GULP1: variants seen among roughly 807,000 people sequenced by gnomAD.
GULP1 encodes the protein GULP PTB domain containing engulfment adaptor 1, also known as PTB domain-containing engulfment adapter protein 1.
Under a neutral mutation model 40.9 loss-of-function variants are expected in GULP1, and 19 were observed. The observed-to-expected ratio is 0.46, with a 90% CI of 0.32 to 0.68. The LOEUF (loss-of-function observed/expected upper bound fraction) is 0.68, where lower values mean the gene tolerates loss of function less well. GULP1 is among the 30% of genes least tolerant of loss of function. The pLI, the probability that GULP1 is intolerant of heterozygous loss-of-function variation, is 0.03. For missense variants in GULP1, 312 were observed against 362.2 expected (o/e 0.86, Z 1.12); for synonymous variants, 119 against 117.6 (o/e 1.01, Z -0.08).
intron 2 of GULP1, among the ~76,000 whole-genome samples, chr2:188,472,154 T>C (rs1267828834): frequency 2.6e-5 from 4 of 152,146 alleles, no homozygotes; most frequent in African/African-American, 9.7e-5. Context: ...TGGAACTCCA[T>C]TGTGTGTTAT....
intron 2 of GULP1, among the ~76,000 whole-genome samples, chr2:188,426,196 A>T (rs1487037443): frequency 6.6e-6 from 1 of 152,208 alleles, no homozygotes. Context: ...GGATTCAAAG[A>T]TTTTCTGACA....
intron 1 of GULP1, among the ~76,000 whole-genome samples, chr2:188,320,851 T>A (rs1481485732): frequency 6.6e-6 from 1 of 151,772 alleles, no homozygotes; most frequent in South Asian, 2.1e-4. Flanking sequence ...CTATGTACTA[T>A]CTAGGATATG....
intron 7 of GULP1, among the ~76,000 whole-genome samples, chr2:188,554,697 G>GT (rs1423654163): frequency 1.3e-5 from 2 of 151,850 alleles, no homozygotes; most frequent in Non-Finnish European, 2.9e-5. Flanking sequence ...GGAGGTTTTT[G>GT]TTATCTGTCT....
intron 1 of GULP1, among the ~76,000 whole-genome samples, chr2:188,361,055 T>C (rs557326567): frequency 4.6e-5 from 7 of 152,128 alleles, no homozygotes; most frequent in Non-Finnish European, 5.9e-5. Flanking sequence ...TTGCGTAATA[T>C]TGCGCAGATG....
chr2:188,470,726 ATTC>A (rs1321741991), intron 2 of GULP1, among the ~76,000 whole-genome samples: 1 of 152,142 alleles, frequency 6.6e-6, no homozygotes, highest in Non-Finnish European at 1.5e-5. Flanking sequence ...AGTTTTCAGA[ATTC>A]TTCTTGTTAT....
chr2:188,460,494 G>A (rs2059614664), intron 2 of GULP1, among the ~76,000 whole-genome samples: 1 of 149,334 alleles, frequency 6.7e-6, no homozygotes, highest in Admixed American at 6.7e-5. Flanking sequence ...TGATTTTTAT[G>A]TTCTACAATT....
chr2:188,358,117 G>A (rs1283098747), intron 1 of GULP1, among the ~76,000 whole-genome samples: 1 of 152,162 alleles, frequency 6.6e-6, no homozygotes, highest in Non-Finnish European at 1.5e-5. Context: ...GGAGGCAGAA[G>A]TTTCAGTGAG....
intron 1 of GULP1, among the ~76,000 whole-genome samples, chr2:188,305,997 C>T (rs536955082): frequency 6.6e-6 from 1 of 152,098 alleles, no homozygotes; most frequent in African/African-American, 2.4e-5. Flanking sequence ...AGGCTGGTCT[C>T]GAATTCCTGA....
At chr2:188,296,093 C>T (rs1299671028) in intron 1 of GULP1, among the ~76,000 whole-genome samples, 2 of 152,006 alleles carry the variant, frequency 1.3e-5, no homozygotes, top group East Asian at 1.9e-4. Flanking sequence ...CTGCCATGAG[C>T]CCTGGTCCCT....
chr2:188,381,995 A>G (rs979315112), intron 1 of GULP1, among the ~76,000 whole-genome samples: 1 of 152,220 alleles, frequency 6.6e-6, no homozygotes, highest in African/African-American at 2.4e-5. Flanking sequence ...ATTTTTCACT[A>G]AAATTATAAA....
At chr2:188,454,402 A>G (rs2059087130) in intron 2 of GULP1, among the ~76,000 whole-genome samples, 1 of 152,204 alleles carries the variant, frequency 6.6e-6, no homozygotes, top group Non-Finnish European at 1.5e-5. Context: ...AAAGGTGGGC[A>G]TGACACAGTA....
chr2:188,356,114 C>G (rs997403083), intron 1 of GULP1, among the ~76,000 whole-genome samples: 13 of 152,078 alleles, frequency 8.5e-5, no homozygotes, highest in African/African-American at 2.9e-4. Context: ...TTATTTTACC[C>G]TAAGTACTGG....
chr2:188,406,620 A>T (rs2053146849), intron 2 of GULP1, among the ~76,000 whole-genome samples: 1 of 152,128 alleles, frequency 6.6e-6, no homozygotes, highest in South Asian at 2.1e-4. Flanking sequence ...TTCAAACAGA[A>T]AAAAAATCTG....
chr2:188,449,394 A>G (rs114640925), intron 2 of GULP1, among the ~76,000 whole-genome samples: 2,491 of 152,094 alleles, frequency 0.016, 29 homozygotes, highest in Non-Finnish European at 0.026. Flanking sequence ...TCCTCCCCCA[A>G]TTGAGTCTCT....
At position 188,584,267 on chromosome 2, in the gene GULP1, A is replaced by G; in HGVS notation, c.612A>G (p.Ala204=). The change falls in exon 10 of 12, where the codon GCA becomes GCG. Residue 204 remains alanine (A), a splice_region_variant and synonymous_variant. Coordinates refer to ENST00000409830, the MANE Select transcript of GULP1 (RefSeq NM_016315.4). The part of the protein sequence containing the change: ...LRITQVSAPP[A]GSMTPKSPST... ...TAATTCATTTATTTTCATTGCAGGCAGGCAGTATGACACCTAAGTCGCCCT... is the reference window on the plus strand; with the variant it reads ...TAATTCATTTATTTTCATTGCAGGCGGGCAGTATGACACCTAAGTCGCCCT... The G allele has an allele frequency of 6.2e-7, 1 of 1,600,776 alleles. No individual in the cohort carries two copies. Among genetic ancestry groups the G allele is most frequent in the Non-Finnish European group, 8.6e-7 (1 of 1,168,826 alleles).
intron 4 of GULP1, among the ~76,000 whole-genome samples, chr2:188,515,114 ATG>A (rs2065042040): frequency 6.6e-6 from 1 of 152,192 alleles, no homozygotes; most frequent in Non-Finnish European, 1.5e-5. Flanking sequence ...TTAGTTTGAA[ATG>A]AAACTGCCAA....
At chr2:188,527,073 A>G (rs1352557408) in intron 5 of GULP1, among the ~76,000 whole-genome samples, 1 of 150,530 alleles carries the variant, frequency 6.6e-6, no homozygotes, top group Non-Finnish European at 1.5e-5. Flanking sequence ...CTTCCTCCCC[A>G]CTCCCTTCTT....
At chr2:188,582,555 C>T (rs1701541089) in intron 9 of GULP1, 2 of 470,274 alleles carry the variant, frequency 4.3e-6, no homozygotes, top group Non-Finnish European at 8.8e-6. Flanking sequence ...AGCAGCATCC[C>T]AAGACCTCAT....
intron 2 of GULP1, 105 bp from the exon 3 acceptor site, chr2:188,477,554 T>C (rs1389113437): frequency 3.4e-6 from 2 of 593,174 alleles, no homozygotes; most frequent in Non-Finnish European, 5.9e-6. Context: ...TGTTTGTAAA[T>C]ATTTTTAAAA....
Sources: allele counts gnomAD v4.1 joint callset (sites outside exome capture counted in the v4.1 genomes callset), GRCh38; gene constraint gnomAD v4.1.1; transcripts MANE v1.5; gene names NCBI Gene and HGNC (gene_info 2026-07-23, HGNC 2026-07-21).